The following CHN1 variants were observed in gnomAD, a reference collection of about 807,000 sequenced individuals.
The protein encoded by CHN1 is N-chimaerin.
Under a neutral mutation model 59.5 loss-of-function variants are expected in CHN1, and 37 were observed. The observed-to-expected ratio is 0.62, with a 90% CI of 0.48 to 0.82. The LOEUF is 0.82. Among genes scored for constraint, CHN1 ranks in the 40% least tolerant of loss-of-function variants. CHN1 has a pLI of 0.00. For synonymous variants in CHN1, 206 were observed against 200.4 expected, an observed-to-expected ratio of 1.03 and a Z score of -0.24; for missense variants, 469 against 571.0, an observed-to-expected ratio of 0.82 and a Z score of 1.82.
At chr2:174,970,460 T>C (rs1690724320) in intron 1 of CHN1, among the ~76,000 whole-genome samples, 1 of 152,188 alleles carries the variant, frequency 6.6e-6, no homozygotes, top group Non-Finnish European at 1.5e-5. Flanking sequence ...CAAGTGGAAA[T>C]AAGAATTCAA....
At chr2:174,924,480 C>T (rs1170211461) in intron 3 of CHN1, among the ~76,000 whole-genome samples, 1 of 152,174 alleles carries the variant, frequency 6.6e-6, no homozygotes, top group East Asian at 1.9e-4. Context: ...ATCCCCCTCT[C>T]CATGTGCATG....
At chr2:174,824,626 ATATATG>A (rs1250626770) in intron 7 of CHN1, 108 bp from the exon 8 acceptor site, 2 of 513,610 alleles carry the variant, frequency 3.9e-6, no homozygotes, top group Non-Finnish European at 6.8e-6. Flanking sequence ...ATATATATAT[ATATATG>A]AGAGAAAGAG....
intron 2 of CHN1, among the ~76,000 whole-genome samples, chr2:174,950,186 T>A (rs760085356): frequency 3.2e-4 from 48 of 151,606 alleles, no homozygotes; most frequent in Admixed American, 4.0e-4. Flanking sequence ...GGGTCAAGGC[T>A]GTAGCGTGCC....
chr2:174,897,480 G>A (rs1406139991), intron 5 of CHN1, among the ~76,000 whole-genome samples: 7 of 149,844 alleles, frequency 4.7e-5, no homozygotes, highest in Non-Finnish European at 1.0e-4. Flanking sequence ...TTTTCAGATA[G>A]GTCTTAGACG....
intron 1 of CHN1, among the ~76,000 whole-genome samples, chr2:174,957,869 T>A (rs1023207837): frequency 1.3e-5 from 2 of 152,150 alleles, no homozygotes; most frequent in African/African-American, 4.8e-5. Flanking sequence ...AACTTGGGGC[T>A]TTGGGTCACT....
chr2:174,943,067 T>G (rs1689714760), intron 3 of CHN1, among the ~76,000 whole-genome samples: 1 of 151,806 alleles, frequency 6.6e-6, no homozygotes, highest in African/African-American at 2.4e-5. Flanking sequence ...AAATAAAAAG[T>G]TAAGTAAATA....
At chr2:174,996,423 G>T (rs186115122) in intron 1 of CHN1, among the ~76,000 whole-genome samples, 1 of 152,132 alleles carries the variant, frequency 6.6e-6, no homozygotes, top group Non-Finnish European at 1.5e-5. Flanking sequence ...TTACAATAAC[G>T]ATATAGGTGA....
At chr2:174,983,515 C>T (rs1333400595) in intron 1 of CHN1, among the ~76,000 whole-genome samples, 1 of 151,872 alleles carries the variant, frequency 6.6e-6, no homozygotes, top group East Asian at 1.9e-4. Context: ...AACTTCAGAA[C>T]TCATACATTC....
chr2:174,939,825 T>C (rs1689603001), intron 3 of CHN1, among the ~76,000 whole-genome samples: 1 of 152,148 alleles, frequency 6.6e-6, no homozygotes, highest in African/African-American at 2.4e-5. Flanking sequence ...ATACACAGAC[T>C]GGAAATCTAC....
At chr2:174,803,224 A>T (rs1041676314) in intron 11 of CHN1, among the ~76,000 whole-genome samples, 18 of 152,250 alleles carry the variant, frequency 1.2e-4, no homozygotes, top group African/African-American at 4.3e-4. Context: ...AATTGAAGTC[A>T]GGTAAAAATT....
intron 3 of CHN1, among the ~76,000 whole-genome samples, chr2:174,922,215 T>A (rs570676786): frequency 7.2e-5 from 11 of 152,336 alleles, no homozygotes; most frequent in South Asian, 4.1e-4. Flanking sequence ...GTTTAAGTCT[T>A]AGATAATTAA....
chr2:174,912,614 G>A (rs1426383815), intron 5 of CHN1, among the ~76,000 whole-genome samples: 3 of 152,178 alleles, frequency 2.0e-5, no homozygotes, highest in South Asian at 2.1e-4. Context: ...AATGGATTAC[G>A]TGTATGTTAA....
chr2:174,810,585 T>G (rs534962331), intron 10 of CHN1, among the ~76,000 whole-genome samples: 2 of 152,342 alleles, frequency 1.3e-5, no homozygotes, highest in South Asian at 2.1e-4. Context: ...TCCCATTCAA[T>G]CTGGCAGGGA....
chr2:174,878,399 TA>T, intron 5 of CHN1, among the ~76,000 whole-genome samples: 1 of 152,324 alleles, frequency 6.6e-6, no homozygotes, highest in South Asian at 2.1e-4. Flanking sequence ...TAAACCACTT[TA>T]TTATACCTGT....
chr2:174,957,377 G>A (rs1253093715), intron 1 of CHN1, among the ~76,000 whole-genome samples: 1 of 139,722 alleles, frequency 7.2e-6, no homozygotes, highest in East Asian at 2.2e-4. Context: ...CAGGTCATAT[G>A]ACTCAAATTT....
chr2:174,989,268 C>T (rs892612631), intron 1 of CHN1, among the ~76,000 whole-genome samples: 5 of 151,700 alleles, frequency 3.3e-5, no homozygotes, highest in African/African-American at 1.2e-4. Flanking sequence ...CCCAGCTACT[C>T]GGGAGGCTAA....
chr2:174,803,918 C>G (rs1267345933), intron 11 of CHN1, among the ~76,000 whole-genome samples: 2 of 152,098 alleles, frequency 1.3e-5, no homozygotes, highest in African/African-American at 4.8e-5. Context: ...AAAAAGAACC[C>G]AGTTTCCTTT....
intron 8 of CHN1, among the ~76,000 whole-genome samples, chr2:174,816,186 T>G (rs905797271): frequency 3.3e-5 from 5 of 152,220 alleles, no homozygotes; most frequent in African/African-American, 1.2e-4. Context: ...GCTCTCCCCA[T>G]AGACTTGGGC....
At chr2:174,932,363 T>C (rs1411862736) in intron 3 of CHN1, among the ~76,000 whole-genome samples, 1 of 152,208 alleles carries the variant, frequency 6.6e-6, no homozygotes, top group Admixed American at 6.5e-5. Flanking sequence ...AGGATTTAAG[T>C]TGGCAAAAAG....
Sources: allele counts gnomAD v4.1 joint callset (sites outside exome capture counted in the v4.1 genomes callset), GRCh38; gene constraint gnomAD v4.1.1; transcripts MANE v1.5; gene names NCBI Gene and HGNC (gene_info 2026-07-23, HGNC 2026-07-21).